Variants in DDX19A observed in about 807,000 individuals in gnomAD.
DDX19A encodes the protein DEAD-box helicase 19A.
DDX19A carries 12 observed loss-of-function variants against 60.6 expected under a neutral mutation model. That is an observed-to-expected ratio of 0.20 (90% CI 0.13 to 0.32). DDX19A has a LOEUF of 0.32. Ranked by LOEUF, DDX19A falls within the 10% of genes least tolerant of loss-of-function variation. DDX19A has a pLI of 1.00. For synonymous variants in DDX19A, 206 were observed against 218.2 expected (o/e 0.94, Z 0.49); for missense variants, 337 against 600.6 (o/e 0.56, Z 4.59).
chr16:70,356,188 C>A lies in DDX19A; in HGVS notation c.234C>A (p.Val78=), dbSNP rs1964178962. 6 of 1,613,964 alleles carry A rather than the reference C, an allele frequency of 3.7e-6. No homozygotes were observed. Among genetic ancestry groups the A allele is most frequent in the Non-Finnish European group, 5.1e-6 (6 of 1,180,036 alleles). ...TTGATAACACAAACCAAGTGGAAGT[C>A]CTGCAACGGGATCCAAACTCCCCTC... ...NLVDNTNQVE[V]LQRDPNSPLY... Residue 78 remains valine, a synonymous_variant, in exon 4 of 12, where the codon GTC becomes GTA. Transcript: ENST00000302243.
chr16:70,365,318 G>T, intron 7 of DDX19A, 187 bp downstream of exon 7: 1 of 418,304 alleles, frequency 2.4e-6, no homozygotes, highest in Non-Finnish European at 4.3e-6. Context: ...CTTAAAATAA[G>T]ATTTTCGGTT....
chr16:70,371,159 C>T lies in DDX19A; in HGVS notation c.1184-213C>T, dbSNP rs7203761. On this transcript the variant is annotated intron_variant, in intron 10 of 11. Transcript: ENST00000302243. ...GTCTCCCAGAGGATTACCGACTGAT[C>T]TCATGATTTTGTTGGCACTTGCCAA... 0.027 allele frequency: 20,817 copies of T among 782,790 alleles called. 3,065 individuals are homozygous for T. In the African/African-American group the frequency reaches 0.32, roughly 12 times the overall value. The allele number at this position is 782,790 out of a possible 1,614,324, so 48.5% of individuals were successfully genotyped here. A position where few individuals can be genotyped will look rare whatever the true frequency, so the allele number is the denominator to read the frequency against.
At position 70,356,939 on chromosome 16, in the gene DDX19A, T is replaced by G. The variant is rs771805571; in HGVS notation, c.293+692T>G. 4.2e-5 allele frequency: 42 copies of G among 990,790 alleles called. 1 individual carries two copies. The South Asian group carries it at 6.6e-4, about 15-fold the overall frequency. The allele number at this position is 990,790 out of a possible 1,614,324, so 61.4% of individuals were successfully genotyped here. A position where few individuals can be genotyped will look rare whatever the true frequency, so the allele number is the denominator to read the frequency against. On this transcript the variant is annotated intron_variant, in intron 4 of 11. Coordinates refer to ENST00000302243, the MANE Select transcript of DDX19A (RefSeq NM_018332.5). The stretch of plus-strand genomic sequence containing the variant: ...CTTAAGTGAGAACATGTGCTATTTG[T>G]TTTTTTTTTACAAAAAAAAAAAAAA...
chr16:70,347,037 G>C lies in DDX19A; in HGVS notation c.46G>C (p.Ala16Pro). ...WALAVDEQEA[A>P]VKSMTNLQIK... ...CCTGGCGGTGGACGAGCAGGAAGCG[G>C]CTGTCAAGTCGGTCAGTAGCTCAGC... Residue 16 changes from alanine to proline, a missense_variant, in exon 1 of 12, where the codon GCT becomes CCT. Transcript: ENST00000302243. 6.2e-7 allele frequency: 1 copy of C among 1,612,228 alleles called. No homozygotes were observed. Among genetic ancestry groups the C allele is most frequent in the South Asian group, 1.1e-5 (1 of 90,792 alleles).
chr16:70,364,547 C>T lies in DDX19A; in HGVS notation c.391C>T (p.Gln131Ter). The change falls in exon 6 of 12, where the codon CAG becomes TAG. Residue 131 changes from glutamine (Q) to a stop codon, truncating the protein, a stop_gained. Transcript: ENST00000302243. LOFTEE classifies it high-confidence loss of function. ...TTCTGTTCTTCCTTGATCCAGCCCA[C>T]AGAATCTGATTGCCCAGTCTCAGTC... is the stretch of plus-strand genomic sequence containing the variant. ...ALPMMLAEPP[Q>*]NLIAQSQSGT... 1 of 1,612,470 alleles carries T rather than the reference C, an allele frequency of 6.2e-7. No homozygotes were observed. Among genetic ancestry groups the T allele is most frequent in the Non-Finnish European group, 8.5e-7 (1 of 1,178,514 alleles).
intron 10 of DDX19A, 90 bp downstream of exon 10, chr16:70,370,475 A>C (rs1178691165): frequency 1.3e-6 from 2 of 1,531,536 alleles, no homozygotes; most frequent in Non-Finnish European, 1.8e-6. Context: ...GGGAAGTCGG[A>C]TGGTCTCAGG....
At chr16:70,350,065 G>A (rs1963965567) in intron 1 of DDX19A, among the ~76,000 whole-genome samples, 1 of 152,152 alleles carries the variant, frequency 6.6e-6, no homozygotes, top group Non-Finnish European at 1.5e-5. Flanking sequence ...GGAGGCCAAG[G>A]TGGGAGGATT....
chr16:70,352,634 ATTTTTTTTT>A, intron 2 of DDX19A, among the ~76,000 whole-genome samples: 1 of 86,134 alleles, frequency 1.2e-5, no homozygotes, highest in East Asian at 3.2e-4. Context: ...ATCTACCACG[ATTTTTTTTT>A]TTTTTTTTTT....
At chr16:70,355,872 C>T (rs867474113) in intron 3 of DDX19A, 21 of 592,442 alleles carry the variant, frequency 3.5e-5, no homozygotes, top group Non-Finnish European at 5.3e-5. Context: ...TGAGGTGGGA[C>T]GATTGCCAGA....
chr16:70,366,727 C>T lies in DDX19A; in HGVS notation c.886C>T (p.Leu296=). 1 of 1,614,244 alleles carries T rather than the reference C, an allele frequency of 6.2e-7. No homozygotes were observed. Residue 296 remains leucine (L), a synonymous_variant, in exon 9 of 12, where the codon CTG becomes TTG. Coordinates refer to ENST00000302243, the MANE Select transcript of DDX19A (RefSeq NM_018332.5). The stretch of plus-strand genomic sequence containing the variant: ...GGTCCCAGACCCAAATGTTATCAAA[C>T]TGAAGCGTGAGGAAGAGACCCTGGA... ...KVVPDPNVIK[L]KREEETLDTI...
intron 1 of DDX19A, among the ~76,000 whole-genome samples, chr16:70,349,307 T>G (rs920616010): frequency 6.6e-6 from 1 of 152,104 alleles, no homozygotes; most frequent in South Asian, 2.1e-4. Context: ...ACTTGAGGCT[T>G]TTATTGGGGG....
rs1419671644 is a variant in DDX19A, at chr16:70,366,801, C to G, written c.960C>G (p.Phe320Leu). ...TGTGCAGCAGCAGAGACGAGAAGTT[C>G]CAGGCCTTGTGTAACCTCTACGGGG... The part of the protein sequence containing the change: ...YVLCSSRDEK[F>L]QALCNLYGAI... Residue 320 changes from phenylalanine (F) to leucine (L), a missense_variant, in exon 9 of 12, where the codon TTC becomes TTG. Around this residue, in one of 6 missense-constraint regions of DDX19A, gnomAD observed 117 missense variants for 274.3 expected, o/e 0.43. Transcript: ENST00000302243. 11 of 1,614,012 alleles carry G rather than the reference C, an allele frequency of 6.8e-6. No homozygotes were observed. The highest frequency in any genetic ancestry group is 8.5e-6 in the Non-Finnish European group (10 of 1,180,008).
intron 11 of DDX19A, 101 bp downstream of exon 11, chr16:70,371,664 C>G: frequency 2.8e-6 from 2 of 708,442 alleles, no homozygotes; most frequent in Non-Finnish European, 4.7e-6. Context: ...GGCTCTGTCC[C>G]TAGCACACTC....
intron 10 of DDX19A, chr16:70,370,869 G>A (rs1427156125): frequency 3.1e-5 from 6 of 190,938 alleles, no homozygotes; most frequent in South Asian, 1.9e-4. Flanking sequence ...GGTGGCATGC[G>A]CCTGTAATCC....
intron 1 of DDX19A, chr16:70,347,252 C>T: frequency 1.7e-6 from 1 of 591,004 alleles, no homozygotes; most frequent in South Asian, 2.1e-5. Context: ...TGGTTAAGGA[C>T]TTCATCCTTT....
intron 4 of DDX19A, among the ~76,000 whole-genome samples, chr16:70,356,569 G>T (rs576541771): frequency 1.1e-4 from 16 of 152,042 alleles, no homozygotes; most frequent in African/African-American, 3.1e-4. Flanking sequence ...TGTTGGCCAG[G>T]CTGGTCTTGA....
chr16:70,361,432 T>G lies in DDX19A; in HGVS notation c.308T>G (p.Leu103Arg). 1 of 1,613,770 alleles carries G rather than the reference T, an allele frequency of 6.2e-7. No homozygotes were observed. The highest frequency in any genetic ancestry group is 1.1e-5 in the South Asian group (1 of 91,078). ...FEELRLKPQL[L>R]QGVYAMGFNR... The stretch of plus-strand genomic sequence containing the variant: ...TGGCTTCCTAGGAAACCACAGCTTC[T>G]CCAGGGAGTCTATGCCATGGGCTTC... Residue 103 changes from leucine to arginine, a missense_variant, in exon 5 of 12, where the codon CTC becomes CGC. Transcript: ENST00000302243.
chr16:70,368,959 C>G (rs1289169261), intron 9 of DDX19A, among the ~76,000 whole-genome samples: 1 of 151,924 alleles, frequency 6.6e-6, no homozygotes, highest in Non-Finnish European at 1.5e-5. Flanking sequence ...CTCTGCCTCC[C>G]GGGTTCTAGC....
chr16:70,356,884 A>G lies in DDX19A; in HGVS notation c.293+637A>G, dbSNP rs531252782. 3.1e-6 allele frequency: 4 copies of G among 1,275,974 alleles called. No homozygotes were observed. The African/African-American group carries it at 4.7e-5, about 15-fold the overall frequency. The allele number at this position is 1,275,974 out of a possible 1,614,324, so 79.0% of individuals were successfully genotyped here. ...ATATTGGCTGACAGGTGATTTCTGGATGTCAGGAACATTTCTGATTAGGTA... is the reference window on the plus strand; with the variant it reads ...ATATTGGCTGACAGGTGATTTCTGGGTGTCAGGAACATTTCTGATTAGGTA... On this transcript the variant is annotated intron_variant, in intron 4 of 11. Transcript: ENST00000302243.
Sources: gnomAD v4.1 joint callset for allele counts (sites outside exome capture counted in the v4.1 genomes callset) on GRCh38, gnomAD v4.1.1 for gene constraint, gnomAD v4.1.1 regional missense constraint, MANE v1.5 for transcripts, NCBI Gene and HGNC (gene_info 2026-07-23, HGNC 2026-07-21) for gene names.